Variants in TRIOBP observed in about 807,000 individuals in gnomAD.
The protein encoded by TRIOBP is TRIO and F-actin-binding protein.
Under a neutral mutation model 238.8 loss-of-function variants are expected in TRIOBP, and 169 were observed. The observed-to-expected ratio is 0.71, with a 90% CI of 0.62 to 0.80. TRIOBP has a LOEUF of 0.80. TRIOBP is among the 30% of genes least tolerant of loss of function. The pLI is 0.00. For synonymous variants in TRIOBP, 1,150 were observed against 1,274.4 expected (o/e 0.90, Z 2.08); for missense variants, 2,838 against 3,122.6 (o/e 0.91, Z 2.17).
intron 2 of TRIOBP, among the ~76,000 whole-genome samples, chr22:37,698,213 AAAAAAG>A (rs1043445810): frequency 2.3e-5 from 3 of 133,206 alleles, no homozygotes; most frequent in Non-Finnish European, 4.8e-5. Flanking sequence ...AAAAAAAAAA[AAAAAAG>A]AAAGAAAGAC....
At chr22:37,767,709 A>AG (rs1014212157) in intron 18 of TRIOBP, among the ~76,000 whole-genome samples, 19 of 152,190 alleles carry the variant, frequency 1.2e-4, no homozygotes, top group African/African-American at 2.6e-4. Flanking sequence ...CAGAGTCTGC[A>AG]GGGGGGGTGT....
chr22:37,768,268 C>A, intron 19 of TRIOBP, 92 bp downstream of exon 19: 1 of 1,082,804 alleles, frequency 9.2e-7, no homozygotes, highest in East Asian at 2.6e-5. Context: ...CATCAGTTTG[C>A]CCCTAGCTGA....
chr22:37,732,467 G>A (rs980706814), intron 7 of TRIOBP, among the ~76,000 whole-genome samples: 2 of 125,412 alleles, frequency 1.6e-5, no homozygotes, highest in African/African-American at 6.2e-5. Flanking sequence ...CCGAGATCGC[G>A]CCACTGCACT....
At chr22:37,698,354 CTTTTT>C (rs1175913171) in intron 2 of TRIOBP, among the ~76,000 whole-genome samples, 3 of 57,930 alleles carry the variant, frequency 5.2e-5, no homozygotes, top group Admixed American at 2.7e-4. Flanking sequence ...CTGCAAGAGC[CTTTTT>C]TTTTTTTTTT....
intron 17 of TRIOBP, among the ~76,000 whole-genome samples, chr22:37,762,705 C>A (rs976628281): frequency 1.3e-5 from 2 of 152,166 alleles, no homozygotes; most frequent in African/African-American, 4.8e-5. Context: ...ATGCGGAAGG[C>A]AGCAGAGAAG....
rs747457140 is a variant in TRIOBP, at chr22:37,738,639, C to T, written c.5107-3C>T. On this transcript the variant is annotated splice_region_variant and splice_polypyrimidine_tract_variant and intron_variant, in intron 9 of 23. Transcript: ENST00000644935. ...TAAGCTGTGTTCTTTTTTTAATCTC[C>T]AGTTCCAACCAGAGGAGCCTGAGGA... The T allele has an allele frequency of 6.2e-7, 1 of 1,613,620 alleles. No homozygotes were observed. Among genetic ancestry groups the T allele is most frequent in the Non-Finnish European group, 8.5e-7 (1 of 1,179,836 alleles).
intron 3 of TRIOBP, among the ~76,000 whole-genome samples, chr22:37,709,525 C>G (rs1002149689): frequency 6.6e-6 from 1 of 152,200 alleles, no homozygotes; most frequent in Non-Finnish European, 1.5e-5. Context: ...GAGCCGGAGC[C>G]CCCCGGGGAC....
chr22:37,732,587 T>C (rs1187539254), intron 7 of TRIOBP, among the ~76,000 whole-genome samples: 3 of 152,104 alleles, frequency 2.0e-5, no homozygotes, highest in Non-Finnish European at 4.4e-5. Context: ...AGAATGTTTC[T>C]TTCTTCTGAT....
rs763865951 is a variant in TRIOBP, at chr22:37,758,023, T to C, written c.6098T>C (p.Leu2033Pro). ...GAGATCGAGAAGAAGTGGCAGGAGC[T>C]GGAGAAGCTGCCCCTGCGGGAGAAT... ...SEEIEKKWQE[L>P]EKLPLRENKR... Residue 2033 changes from leucine (L) to proline (P), a missense_variant, in exon 16 of 24, where the codon CTG (leucine) becomes CCG (proline). By Grantham distance (98) the Leu-to-Pro change is moderately conservative. Around this residue, in one of 5 missense-constraint regions of TRIOBP, gnomAD observed 2,096 missense variants for 2,137.4 expected, o/e 0.98. Coordinates refer to ENST00000644935, the MANE Select transcript of TRIOBP (RefSeq NM_001039141.3). 2 of 1,610,494 alleles carry C rather than the reference T, an allele frequency of 1.2e-6. No individual in the cohort carries two copies. The highest frequency in any genetic ancestry group is 2.2e-5 in the South Asian group (2 of 90,766).
intron 17 of TRIOBP, chr22:37,759,677 G>GC: frequency 6.6e-7 from 1 of 1,521,346 alleles, no homozygotes; most frequent in South Asian, 1.2e-5. Flanking sequence ...CTGGGCCAAG[G>GC]CCCCACACAA....
rs1160118435 is a variant in TRIOBP, at chr22:37,713,139, T to A, written c.255-71T>A. The A allele has an allele frequency of 2.6e-5, 36 of 1,386,096 alleles. No individual in the cohort carries two copies. In the Admixed American group the frequency reaches 6.7e-4, roughly 26 times the overall value. The allele number at this position is 1,386,096 out of a possible 1,614,324, so 85.9% of individuals were successfully genotyped here. A position where few individuals can be genotyped will look rare whatever the true frequency, so the allele number is the denominator to read the frequency against. On this transcript the variant is annotated intron_variant, in intron 4 of 23. Transcript: ENST00000644935. ...GCCCCAGGCTCCCTGTGTGAGTGAG[T>A]GCATATGCCTGGGTGGGGTGGGGGA...
chr22:37,735,517 C>T, intron 9 of TRIOBP, 75 bp downstream of exon 9: 1 of 1,504,352 alleles, frequency 6.6e-7, no homozygotes, highest in South Asian at 1.2e-5. Context: ...GGAAAAGCCT[C>T]CCCTTGGAGT....
At position 37,774,908 on chromosome 22, in the gene TRIOBP, T is replaced by G. The variant is rs1461470541; in HGVS notation, c.*1128T>G. On this transcript the variant is annotated 3_prime_UTR_variant, in exon 24 of 24. Coordinates refer to ENST00000644935, the MANE Select transcript of TRIOBP (RefSeq NM_001039141.3). ...ACCTTGGGCAAGTCACACCCCTCACTGAGCCTCAGTTTGCTTCTCCATCAA... is the reference window on the plus strand; with the variant it reads ...ACCTTGGGCAAGTCACACCCCTCACGGAGCCTCAGTTTGCTTCTCCATCAA... 1 of 152,338 alleles carries G rather than the reference T, an allele frequency of 6.6e-6. No individual in the cohort carries two copies. Among genetic ancestry groups the G allele is most frequent in the African/African-American group, 2.4e-5 (1 of 41,460 alleles). The allele number at this position is 152,338 out of a possible 1,614,324, so 9.4% of individuals were successfully genotyped here.
At chr22:37,739,765 G>T (rs1265440373) in intron 10 of TRIOBP, among the ~76,000 whole-genome samples, 4 of 152,144 alleles carry the variant, frequency 2.6e-5, no homozygotes, top group Non-Finnish European at 5.9e-5. Flanking sequence ...GCCCTCCCAG[G>T]GACTCTGACA....
At chr22:37,728,757 T>TA (rs1004740637) in intron 7 of TRIOBP, among the ~76,000 whole-genome samples, 4 of 152,076 alleles carry the variant, frequency 2.6e-5, no homozygotes, top group African/African-American at 9.7e-5. Flanking sequence ...AGTAGGGTGA[T>TA]ACATTTGTTA....
intron 6 of TRIOBP, among the ~76,000 whole-genome samples, chr22:37,720,906 G>A (rs1244648759): frequency 6.6e-6 from 1 of 152,070 alleles, no homozygotes; most frequent in African/African-American, 2.4e-5. Context: ...CACCCAGGCT[G>A]GAGTGCAGTG....
chr22:37,734,768 G>T lies in TRIOBP; in HGVS notation c.4432G>T (p.Gly1478Trp), dbSNP rs749754477. Residue 1478 changes from glycine to tryptophan, a missense_variant, in exon 9 of 24, where the codon GGG becomes TGG. Coordinates refer to ENST00000644935, the MANE Select transcript of TRIOBP (RefSeq NM_001039141.3). ...GAAKAPEGAW[G>W]GTSREYKESW... ...AGCCAAAGCCCCGGAGGGAGCATGG[G>T]GGGGCACTTCCAGGGAGTACAAGGA... 5.6e-6 allele frequency: 9 copies of T among 1,612,342 alleles called. No individual in the cohort carries two copies. The highest frequency in any genetic ancestry group is 7.6e-6 in the Non-Finnish European group (9 of 1,179,710).
chr22:37,726,317 G>T lies in TRIOBP; in HGVS notation c.3761G>T (p.Gly1254Val), dbSNP rs1474481937. Reference sequence around the variant, plus strand: ...CCGGGCAGCTCTGGGGGCTCCCGGGGCTCAGCGCCTCCCGGGGAGACCAGG... The same window carrying T: ...CCGGGCAGCTCTGGGGGCTCCCGGGTCTCAGCGCCTCCCGGGGAGACCAGG... ...PSPGSSGGSR[G>V]SAPPGETRHN... Residue 1254 changes from glycine to valine, a missense_variant, in exon 7 of 24, where the codon GGC becomes GTC. Transcript: ENST00000644935. 1.2e-6 allele frequency: 2 copies of T among 1,612,560 alleles called. No individual in the cohort carries two copies. The highest frequency in any genetic ancestry group is 1.7e-5 in the Admixed American group (1 of 59,946).
chr22:37,757,835 CAAGCAGGAGGAGCTG>C lies in TRIOBP; in HGVS notation c.5911_5925del (p.Lys1971_Leu1975del), dbSNP rs1267006839. 13 of 1,550,432 alleles carry C rather than the reference CAAGCAGGAGGAGCTG, an allele frequency of 8.4e-6. No individual in the cohort carries two copies. The highest frequency in any genetic ancestry group is 1.1e-5 in the Non-Finnish European group (13 of 1,146,834). On this transcript the variant is annotated inframe_deletion, in exon 16 of 24. Coordinates refer to ENST00000644935, the MANE Select transcript of TRIOBP (RefSeq NM_001039141.3). ...CAGCCCGCACTCCTGACCGCCTGGCCAAGCAGGAGGAGCTGGAGCGGGACCTGGCCCAGCGCTCCG... is the reference window on the plus strand; with the variant it reads ...CAGCCCGCACTCCTGACCGCCTGGCCGAGCGGGACCTGGCCCAGCGCTCCG...
Sources: gnomAD v4.1 joint callset for allele counts (sites outside exome capture counted in the v4.1 genomes callset) on GRCh38, gnomAD v4.1.1 for gene constraint, gnomAD v4.1.1 regional missense constraint, MANE v1.5 for transcripts, NCBI Gene and HGNC (gene_info 2026-07-23, HGNC 2026-07-21) for gene names.